The following SLC27A2 variants were observed in gnomAD, a reference collection of about 807,000 sequenced individuals.
SLC27A2 encodes long-chain fatty acid transport protein 2.
A neutral mutation model predicts 60.0 loss-of-function variants in SLC27A2; 54 were observed. The observed-to-expected ratio is 0.90, with a 90% CI of 0.72 to 1.13. SLC27A2 has a LOEUF of 1.13. Ranked by LOEUF, SLC27A2 falls within the 50% of genes most tolerant of loss-of-function variation. SLC27A2 has a pLI of 0.00. For synonymous variants in SLC27A2, 297 were observed against 297.6 expected (o/e 1.00, Z 0.02); for missense variants, 739 against 777.6 (o/e 0.95, Z 0.59).
rs747067221 is a variant in SLC27A2 at position 50,225,979 on chromosome 15, T to C, written c.1168-9T>C. ...AGATTTATACTCAAAATTATTTTAA[T>C]CTTGCTAGAAAATCATAACTTATGA... On this transcript the variant is annotated splice_polypyrimidine_tract_variant and intron_variant, in intron 5 of 9. Coordinates refer to ENST00000267842, the MANE Select transcript of SLC27A2 (RefSeq NM_003645.4). 34 of 1,525,326 alleles carry C rather than the reference T, an allele frequency of 2.2e-5. 1 individual carries two copies. The South Asian group carries it at 2.9e-4, about 13-fold the overall frequency. 94.5% of individuals were successfully genotyped at this position (1,525,326 alleles called of 1,614,324 possible). A position where few individuals can be genotyped will look rare whatever the true frequency, so the allele number is the denominator to read the frequency against.
At chr15:50,189,344 G>A (rs2044954486) in intron 1 of SLC27A2, among the ~76,000 whole-genome samples, 1 of 152,160 alleles carries the variant, frequency 6.6e-6, no homozygotes, top group Admixed American at 6.5e-5. Context: ...GGGTCTCAGT[G>A]CAGCAAGTAA....
intron 3 of SLC27A2, among the ~76,000 whole-genome samples, chr15:50,204,240 G>A (rs187224944): frequency 2.5e-4 from 38 of 151,916 alleles, no homozygotes; most frequent in African/African-American, 8.0e-4. Flanking sequence ...TGAGGTGGGC[G>A]AATCACTTGA....
chr15:50,236,029 C>A lies in SLC27A2; in HGVS notation c.1796C>A (p.Ala599Glu). ...KDALYFLDDT[A>E]KMYVPMTEDI... ...GCCTTGTATTTCTTGGATGACACAGCAAAAATGTATGTGCCTATGACTGAG... is the reference window on the plus strand; with the variant it reads ...GCCTTGTATTTCTTGGATGACACAGAAAAAATGTATGTGCCTATGACTGAG... Residue 599 changes from alanine to glutamate, a missense_variant, in exon 10 of 10, where the codon GCA becomes GAA. By Grantham distance (107) the Ala-to-Glu change is moderately radical. Coordinates refer to ENST00000267842, the MANE Select transcript of SLC27A2 (RefSeq NM_003645.4). 2.5e-6 allele frequency: 4 copies of A among 1,613,938 alleles called. No individual in the cohort carries two copies. Among genetic ancestry groups the A allele is most frequent in the Non-Finnish European group, 3.4e-6 (4 of 1,179,908 alleles).
chr15:50,204,726 CTG>C (rs1221492450), intron 3 of SLC27A2, among the ~76,000 whole-genome samples: 4 of 150,312 alleles, frequency 2.7e-5, no homozygotes, highest in Non-Finnish European at 1.5e-5. Context: ...GAGCGAGACT[CTG>C]TCTCAAAAAA....
intron 1 of SLC27A2, among the ~76,000 whole-genome samples, chr15:50,185,920 C>G (rs558718375): frequency 6.6e-6 from 1 of 151,830 alleles, no homozygotes; most frequent in Non-Finnish European, 1.5e-5. Context: ...TGAGCCACCA[C>G]GCCTGGCCGG....
intron 8 of SLC27A2, among the ~76,000 whole-genome samples, chr15:50,232,405 TATTTA>T (rs918472323): frequency 9.4e-4 from 140 of 149,388 alleles, no homozygotes; most frequent in Non-Finnish European, 1.7e-3. Context: ...TTTTTCATAA[TATTTA>T]ATTATAATTT....
chr15:50,194,231 G>A (rs1236322111), intron 1 of SLC27A2, among the ~76,000 whole-genome samples: 1 of 152,166 alleles, frequency 6.6e-6, no homozygotes, highest in Non-Finnish European at 1.5e-5. Context: ...GGGAGCTGTA[G>A]AAGGGAGCAG....
chr15:50,213,361 A>G (rs2140907243), intron 4 of SLC27A2, among the ~76,000 whole-genome samples: 1 of 152,334 alleles, frequency 6.6e-6, no homozygotes, highest in East Asian at 1.9e-4. Flanking sequence ...ACAGTGGGGG[A>G]CTTCAATACT....
intron 4 of SLC27A2, among the ~76,000 whole-genome samples, chr15:50,212,070 C>CA (rs1171050015): frequency 0.28 from 13,461 of 48,188 alleles, 1,871 homozygotes; most frequent in African/African-American, 0.38. Flanking sequence ...GACTCTGTCT[C>CA]AAAAAAAAAA....
rs2045283578 is a variant in SLC27A2, at chr15:50,227,068, A to G, written c.1347A>G (p.Lys449=). The G allele has an allele frequency of 1.2e-6, 2 of 1,614,082 alleles. No homozygotes were observed. Among genetic ancestry groups the G allele is most frequent in the East Asian group, 2.2e-5 (1 of 44,900 alleles). ...AGAKAQTEKK[K]LRDVFKKGDL... ...CAAAGGCTCAGACAGAGAAGAAAAA[A>G]CTGAGAGATGTCTTTAAGAAAGGAG... The change falls in exon 7 of 10, where the codon AAA becomes AAG. Residue 449 remains lysine (K), a synonymous_variant. Transcript: ENST00000267842.
At position 50,206,338 on chromosome 15, in the gene SLC27A2, A is replaced by C. The variant is rs1055077769; in HGVS notation, c.972+975A>C. On this transcript the variant is annotated intron_variant, in intron 4 of 9. Coordinates refer to ENST00000267842, the MANE Select transcript of SLC27A2 (RefSeq NM_003645.4). ...CTAGACAATGCAGTAAACTCACCAGATTCTAATCCCTTTCACCAGATTCTA... is the reference window on the plus strand; with the variant it reads ...CTAGACAATGCAGTAAACTCACCAGCTTCTAATCCCTTTCACCAGATTCTA... Among the ~76,000 whole-genome samples the C allele has an allele frequency of 2.0e-5, 3 of 152,280 alleles. No individual in the cohort carries two copies. The East Asian group carries it at 5.8e-4, about 29-fold the overall frequency.
At position 50,182,402 on chromosome 15, in the gene SLC27A2, C is replaced by T. The variant is rs370219323; in HGVS notation, c.-26C>T. The T allele has an allele frequency of 6.4e-5, 100 of 1,567,850 alleles. No individual in the cohort carries two copies. The highest frequency in any genetic ancestry group is 8.2e-5 in the Non-Finnish European group (95 of 1,154,202). On this transcript the variant is annotated 5_prime_UTR_variant, in exon 1 of 10. Coordinates refer to ENST00000267842, the MANE Select transcript of SLC27A2 (RefSeq NM_003645.4). ...GCCCGGGGTGAACCCTCTGCCCTCG[C>T]TGGGACAGAGGGCCCCGCAGCCGTC... is the stretch of plus-strand genomic sequence containing the variant.
At chr15:50,193,916 T>C (rs1595681177) in intron 1 of SLC27A2, among the ~76,000 whole-genome samples, 1 of 152,160 alleles carries the variant, frequency 6.6e-6, no homozygotes, top group East Asian at 1.9e-4. Flanking sequence ...CCCAGCATTT[T>C]GAAAGGCTGA....
intron 1 of SLC27A2, among the ~76,000 whole-genome samples, chr15:50,195,612 T>G (rs907142415): frequency 6.6e-6 from 1 of 152,208 alleles, no homozygotes; most frequent in Non-Finnish European, 1.5e-5. Flanking sequence ...TTGTACTATT[T>G]GATTTATTGT....
At chr15:50,207,461 C>T (rs1200607645) in intron 4 of SLC27A2, among the ~76,000 whole-genome samples, 1 of 150,292 alleles carries the variant, frequency 6.7e-6, no homozygotes, top group Non-Finnish European at 1.5e-5. Flanking sequence ...AAAGTTATCT[C>T]AAAAAAAAAC....
intron 8 of SLC27A2, among the ~76,000 whole-genome samples, chr15:50,231,397 G>A (rs990231356): frequency 4.6e-5 from 7 of 152,072 alleles, no homozygotes; most frequent in African/African-American, 9.6e-5. Context: ...TCCACACCCC[G>A]ACCTTGGCCT....
chr15:50,195,249 G>A (rs554966932), intron 1 of SLC27A2, among the ~76,000 whole-genome samples: 4 of 150,836 alleles, frequency 2.7e-5, no homozygotes, highest in South Asian at 2.1e-4. Flanking sequence ...GGCGGATCAC[G>A]AGGTCAGGAG....
intron 1 of SLC27A2, among the ~76,000 whole-genome samples, chr15:50,186,493 C>T (rs945996056): frequency 4.6e-5 from 7 of 152,020 alleles, no homozygotes; most frequent in African/African-American, 1.4e-4. Flanking sequence ...CTGGAGGTGC[C>T]GTGGCGCGAT....
At chr15:50,216,838 A>AAT (rs200312242) in intron 4 of SLC27A2, among the ~76,000 whole-genome samples, 46,870 of 143,794 alleles carry the variant, frequency 0.33, 7,878 homozygotes, top group African/African-American at 0.38. Context: ...ATAAAATATA[A>AAT]ATATATAGTA....
Sources: gnomAD v4.1 joint callset for allele counts (sites outside exome capture counted in the v4.1 genomes callset) on GRCh38, gnomAD v4.1.1 for gene constraint, MANE v1.5 for transcripts, NCBI Gene and HGNC (gene_info 2026-07-23, HGNC 2026-07-21) for gene names.